Variants in KIF16B observed in about 807,000 individuals in gnomAD.
KIF16B encodes kinesin family member 16B, also known as kinesin-like protein KIF16B.
In KIF16B, 98 loss-of-function variants were observed where a neutral mutation model predicts 156.3. The observed-to-expected ratio is 0.63, with a 90% CI of 0.53 to 0.74. The LOEUF (loss-of-function observed/expected upper bound fraction) is 0.74, where lower values mean the gene tolerates loss of function less well. Among genes scored for constraint, KIF16B ranks in the 30% least tolerant of loss-of-function variants. KIF16B has a pLI of 0.00. For missense variants in KIF16B, 1,421 were observed against 1,606.5 expected, an observed-to-expected ratio of 0.88 and a Z score of 1.97; for synonymous variants, 564 against 583.7, an observed-to-expected ratio of 0.97 and a Z score of 0.49.
chr20:16,462,102 A>G (rs2067360397), intron 12 of KIF16B, among the ~76,000 whole-genome samples: 1 of 152,138 alleles, frequency 6.6e-6, no homozygotes, highest in Admixed American at 6.5e-5. Context: ...TTAGCTGGGC[A>G]TGGTGGCACA....
At chr20:16,355,566 C>A (rs977136890) in intron 23 of KIF16B, among the ~76,000 whole-genome samples, 2 of 152,202 alleles carry the variant, frequency 1.3e-5, no homozygotes, top group Admixed American at 1.3e-4. Context: ...GACTTCATTA[C>A]ATCAATACCC....
At chr20:16,525,903 C>A (rs1251655665) in intron 3 of KIF16B, among the ~76,000 whole-genome samples, 189 bp downstream of exon 3, 2 of 152,162 alleles carry the variant, frequency 1.3e-5, no homozygotes, top group Admixed American at 6.5e-5. Flanking sequence ...CTTTTGAGAA[C>A]TGAATTCTTC....
chr20:16,337,586 G>A (rs1258337620), intron 23 of KIF16B, among the ~76,000 whole-genome samples: 1 of 152,196 alleles, frequency 6.6e-6, no homozygotes, highest in Non-Finnish European at 1.5e-5. Context: ...AAACAAGAGT[G>A]GAGGTGCTCT....
intron 1 of KIF16B, among the ~76,000 whole-genome samples, chr20:16,563,283 G>A (rs886113496): frequency 5.8e-4 from 88 of 152,166 alleles, no homozygotes; most frequent in Non-Finnish European, 1.1e-3. Context: ...CTAAGTCCAA[G>A]CCAGTGCTGA....
chr20:16,440,533 G>GCGCACA (rs1490804040), intron 12 of KIF16B, among the ~76,000 whole-genome samples: 2 of 138,352 alleles, frequency 1.4e-5, no homozygotes, highest in South Asian at 2.5e-4. Flanking sequence ...ACAAGCGCGC[G>GCGCACA]CACACACACA....
intron 1 of KIF16B, among the ~76,000 whole-genome samples, chr20:16,546,195 T>C (rs576620216): frequency 2.0e-5 from 3 of 152,344 alleles, no homozygotes; most frequent in African/African-American, 7.2e-5. Context: ...ATCCTGAGTC[T>C]TAGTAGCTTT....
intron 20 of KIF16B, among the ~76,000 whole-genome samples, chr20:16,373,502 C>T (rs2064872606): frequency 6.6e-6 from 1 of 152,184 alleles, no homozygotes; most frequent in Non-Finnish European, 1.5e-5. Context: ...CACAATGCCA[C>T]CTAAGTTGAA....
intron 12 of KIF16B, among the ~76,000 whole-genome samples, chr20:16,452,212 G>C (rs530429656): frequency 5.9e-5 from 9 of 152,230 alleles, no homozygotes; most frequent in African/African-American, 2.2e-4. Context: ...AAACGTCATG[G>C]AAAGTGAACA....
At chr20:16,441,739 A>G (rs1403211834) in intron 12 of KIF16B, among the ~76,000 whole-genome samples, 2 of 152,096 alleles carry the variant, frequency 1.3e-5, no homozygotes, top group East Asian at 1.9e-4. Flanking sequence ...AGAATGCTCA[A>G]AAGGGCAAGT....
At chr20:16,396,180 C>T (rs4814487) in intron 17 of KIF16B, among the ~76,000 whole-genome samples, 31 of 151,930 alleles carry the variant, frequency 2.0e-4, no homozygotes, top group African/African-American at 5.3e-4. Context: ...TGCATAGGAG[C>T]GCAAACCCTA....
intron 24 of KIF16B, among the ~76,000 whole-genome samples, chr20:16,335,434 G>A (rs2064018649): frequency 6.6e-6 from 1 of 152,170 alleles, no homozygotes; most frequent in Non-Finnish European, 1.5e-5. Context: ...AGATAATTCT[G>A]CATTTTCTAT....
chr20:16,446,380 C>T (rs548912878), intron 12 of KIF16B, among the ~76,000 whole-genome samples: 68 of 152,212 alleles, frequency 4.5e-4, no homozygotes, highest in African/African-American at 1.3e-3. Context: ...TCTAATGAAC[C>T]GGCTGTCTGG....
rs551937754 is a variant in KIF16B at position 16,318,972 on chromosome 20, C to T, written c.3712-6554G>A. Among the ~76,000 whole-genome samples, 48 of 152,276 alleles carry T rather than the reference C, an allele frequency of 3.2e-4. No homozygotes were observed. In the South Asian group the frequency reaches 9.5e-3, roughly 30 times the overall value. On this transcript the variant is annotated intron_variant, in intron 24 of 25. Transcript: ENST00000354981. ...TGATCAAGTATCAACAGTGGTAAGA[C>T]ATACTGATAGTATATATCCTTGAGA...
intron 25 of KIF16B, among the ~76,000 whole-genome samples, chr20:16,303,150 T>C (rs1226874934): frequency 1.3e-5 from 2 of 152,234 alleles, no homozygotes; most frequent in Non-Finnish European, 2.9e-5. Context: ...ATATTTTATA[T>C]GAATTATTTC....
At chr20:16,515,527 C>T in intron 4 of KIF16B, 21 bp downstream of exon 4, 1 of 1,275,530 alleles carries the variant, frequency 7.8e-7, no homozygotes, top group Non-Finnish European at 1.1e-6. Context: ...ATTTCCTTCC[C>T]ACACAGTATA....
At chr20:16,501,550 G>A (rs1177094916) in intron 10 of KIF16B, among the ~76,000 whole-genome samples, 2 of 151,914 alleles carry the variant, frequency 1.3e-5, no homozygotes, top group Non-Finnish European at 2.9e-5. Context: ...ACATCTAGAG[G>A]AAAGTCTACA....
At chr20:16,300,268 A>G (rs569664158) in intron 25 of KIF16B, among the ~76,000 whole-genome samples, 1 of 152,328 alleles carries the variant, frequency 6.6e-6, no homozygotes, top group South Asian at 2.1e-4. Context: ...AAAAGATACA[A>G]CAGTGACTCT....
At chr20:16,546,021 G>T (rs2070393459) in intron 1 of KIF16B, among the ~76,000 whole-genome samples, 1 of 152,124 alleles carries the variant, frequency 6.6e-6, no homozygotes, top group South Asian at 2.1e-4. Flanking sequence ...AAACTAAATT[G>T]CAAGACTTTT....
At chr20:16,351,235 T>C (rs1180865929) in intron 23 of KIF16B, among the ~76,000 whole-genome samples, 1 of 152,216 alleles carries the variant, frequency 6.6e-6, no homozygotes, top group Admixed American at 6.5e-5. Context: ...TGTTGACATG[T>C]AAGTTAAAAT....
Sources: allele counts gnomAD v4.1 joint callset (sites outside exome capture counted in the v4.1 genomes callset), GRCh38; gene constraint gnomAD v4.1.1; transcripts MANE v1.5; gene names NCBI Gene and HGNC (gene_info 2026-07-23, HGNC 2026-07-21).